The following CRLF3 variants were observed in gnomAD, a reference collection of about 807,000 sequenced individuals.
CRLF3 encodes cytokine receptor like factor 3.
In CRLF3, 33 loss-of-function variants were observed where a neutral mutation model predicts 55.0. The ratio of observed to expected loss-of-function variants is 0.60; its 90% CI spans 0.46 to 0.80. The LOEUF (loss-of-function observed/expected upper bound fraction) is 0.80, where lower values mean the gene tolerates loss of function less well. CRLF3 is among the 30% of genes least tolerant of loss of function. The probability of loss-of-function intolerance (pLI) is 0.00; values close to 1 mark genes in which losing one functional copy is unlikely to be tolerated. For missense variants in CRLF3, 494 were observed against 538.4 expected (o/e 0.92, Z 0.82); for synonymous variants, 238 against 196.8 (o/e 1.21, Z -1.75).
intron 1 of CRLF3, among the ~76,000 whole-genome samples, chr17:30,816,667 C>A (rs1011351805): frequency 1.3e-5 from 2 of 151,674 alleles, no homozygotes; most frequent in Admixed American, 6.6e-5. Context: ...TTTTTAATTT[C>A]TTTGTGGAGA....
chr17:30,787,588 ATTAT>A (rs1327186132), intron 6 of CRLF3: 3 of 152,312 alleles, frequency 2.0e-5, no homozygotes, highest in Admixed American at 1.3e-4. Flanking sequence ...GACAGATGTG[ATTAT>A]TTATAGTCAA....
At chr17:30,809,689 C>T (rs1904549247) in intron 1 of CRLF3, 1 of 152,160 alleles carries the variant, frequency 6.6e-6, no homozygotes. Context: ...CTCACTTGGT[C>T]GTCCAGGCTG....
At position 30,784,097 on chromosome 17, in the gene CRLF3, A is replaced by T. The variant is rs1423262100; in HGVS notation, c.*90T>A. On this transcript the variant is annotated 3_prime_UTR_variant, in exon 8 of 8. Transcript: ENST00000324238. ...TTCCAATGGCCTAAGTTAGAGATGA[A>T]TTCAACTTTTTTTTTAAAGCAATTA... is the stretch of plus-strand genomic sequence containing the variant. The T allele has an allele frequency of 3.3e-6, 4 of 1,213,318 alleles. No individual in the cohort carries two copies. The African/African-American group carries it at 6.1e-5, about 18-fold the overall frequency. The allele number at this position is 1,213,318 out of a possible 1,614,324, so 75.2% of individuals were successfully genotyped here. A position where few individuals can be genotyped will look rare whatever the true frequency, so the allele number is the denominator to read the frequency against.
At chr17:30,793,192 AG>A (rs1567660993) in intron 5 of CRLF3, among the ~76,000 whole-genome samples, 16 of 152,202 alleles carry the variant, frequency 1.1e-4, no homozygotes, top group Admixed American at 8.5e-4. Context: ...AAGGAATATC[AG>A]TGCCCTACAT....
At position 30,796,076 on chromosome 17, in the gene CRLF3, AAGT is replaced by A. The variant is rs772225482; in HGVS notation, c.603+81_603+83del. Reference sequence around the variant, plus strand: ...TTTGAGAAGAAAAGAATGTATTTAAAAGTAGTCAACGAAAAAATCTGAAAGGCC... The same window carrying A: ...TTTGAGAAGAAAAGAATGTATTTAAAAGTCAACGAAAAAATCTGAAAGGCC... On this transcript the variant is annotated intron_variant, in intron 4 of 7. Transcript: ENST00000324238. 8.4e-5 allele frequency: 76 copies of A among 904,966 alleles called. 1 individual carries two copies. In the East Asian group the frequency reaches 9.9e-4, roughly 12 times the overall value. 56.1% of individuals were successfully genotyped at this position (904,966 alleles called of 1,614,324 possible).
chr17:30,797,199 T>G, intron 3 of CRLF3, 112 bp downstream of exon 3: 4 of 833,528 alleles, frequency 4.8e-6, no homozygotes, highest in Non-Finnish European at 8.0e-6. Context: ...TCTGAAAACC[T>G]TGAAATATAT....
chr17:30,798,526 T>G (rs924910841), intron 2 of CRLF3, among the ~76,000 whole-genome samples: 2 of 152,132 alleles, frequency 1.3e-5, no homozygotes, highest in African/African-American at 4.8e-5. Flanking sequence ...CCATATGACC[T>G]TCTCCTTCAC....
At chr17:30,816,731 T>G (rs7212991) in intron 1 of CRLF3, among the ~76,000 whole-genome samples, 1 of 151,902 alleles carries the variant, frequency 6.6e-6, no homozygotes, top group African/African-American at 2.4e-5. Context: ...GCTCGAGATC[T>G]TCCCGTCTTG....
chr17:30,788,741 G>A (rs546587684), intron 6 of CRLF3, among the ~76,000 whole-genome samples: 2 of 151,320 alleles, frequency 1.3e-5, no homozygotes, highest in South Asian at 2.1e-4. Flanking sequence ...CTGAGTAGCT[G>A]GGATTACAGG....
At chr17:30,808,934 A>T (rs984892505) in intron 1 of CRLF3, among the ~76,000 whole-genome samples, 1 of 152,162 alleles carries the variant, frequency 6.6e-6, no homozygotes, top group Non-Finnish European at 1.5e-5. Flanking sequence ...CTTTGTATAC[A>T]TATTACAGAT....
intron 4 of CRLF3, among the ~76,000 whole-genome samples, chr17:30,794,064 G>A (rs1597919308): frequency 1.3e-5 from 2 of 152,116 alleles, no homozygotes; most frequent in East Asian, 3.9e-4. Context: ...TAACTCCTGA[G>A]CTCAAGCAAT....
chr17:30,802,401 TGA>T (rs1972020662), intron 2 of CRLF3, among the ~76,000 whole-genome samples: 1 of 151,570 alleles, frequency 6.6e-6, no homozygotes, highest in Admixed American at 6.6e-5. Flanking sequence ...ATTACAGGCG[TGA>T]GCCACCGTGC....
At chr17:30,817,371 G>A (rs938431184) in intron 1 of CRLF3, among the ~76,000 whole-genome samples, 4 of 151,856 alleles carry the variant, frequency 2.6e-5, no homozygotes, top group African/African-American at 9.7e-5. Flanking sequence ...CCGGGAGGTG[G>A]AGGTTGCAGT....
intron 1 of CRLF3, among the ~76,000 whole-genome samples, chr17:30,816,164 C>T (rs1904798003): frequency 6.6e-6 from 1 of 151,370 alleles, no homozygotes; most frequent in African/African-American, 2.4e-5. Context: ...CACCTGTAGT[C>T]CCAGCTACTC....
chr17:30,823,025 A>G (rs1478910529), intron 1 of CRLF3, among the ~76,000 whole-genome samples: 1 of 152,138 alleles, frequency 6.6e-6, no homozygotes. Context: ...CGCCACTAAA[A>G]TGCAAATGAT....
In CRLF3 at chr17:30,785,962, A is replaced by G. The variant is rs1971637433; in HGVS notation, c.1029T>C (p.Tyr343=). ...CAGCTTGATCCCGCTGCAGAGAGTC[A>G]TATCCATCCTGTTTTTCTGCACACA... is the stretch of plus-strand genomic sequence containing the variant. The part of the protein sequence containing the change: ...IGVCAEKQDG[Y]DSLQRDQAVC... Residue 343 remains tyrosine, a synonymous_variant, in exon 7 of 8, where the codon TAT becomes TAC. Transcript: ENST00000324238. 2 of 1,612,788 alleles carry G rather than the reference A, an allele frequency of 1.2e-6. No homozygotes were observed. Among genetic ancestry groups the G allele is most frequent in the Non-Finnish European group, 1.7e-6 (2 of 1,178,864 alleles).
chr17:30,782,874 C>T lies in CRLF3; in HGVS notation c.*1313G>A, dbSNP rs1971526054. 6.7e-6 allele frequency: 1 copy of T among 149,844 alleles called. No homozygotes were observed. The highest frequency in any genetic ancestry group is 1.5e-5 in the Non-Finnish European group (1 of 67,494). The allele number at this position is 149,844 out of a possible 1,614,324, so 9.3% of individuals were successfully genotyped here. A position where few individuals can be genotyped will look rare whatever the true frequency, so the allele number is the denominator to read the frequency against. ...TTATCTTACAAAAATATCATACTTG[C>T]TTTTCTACTTTTTTACTATACTGGT... On this transcript the variant is annotated 3_prime_UTR_variant, in exon 8 of 8. Coordinates refer to ENST00000324238, the MANE Select transcript of CRLF3 (RefSeq NM_015986.4).
rs1971518096 is a variant in CRLF3 at position 30,782,688 on chromosome 17, C to A, written c.*1499G>T. ...AGAAGAAAAAAGTACACACACTGAACTTTTTTAGTTTTTTATTTTGATTCC... is the reference window on the plus strand; with the variant it reads ...AGAAGAAAAAAGTACACACACTGAAATTTTTTAGTTTTTTATTTTGATTCC... On this transcript the variant is annotated 3_prime_UTR_variant, in exon 8 of 8. Transcript: ENST00000324238. The A allele has an allele frequency of 6.6e-6, 1 of 152,058 alleles. No individual in the cohort carries two copies. The highest frequency in any genetic ancestry group is 1.5e-5 in the Non-Finnish European group (1 of 68,012). 9.4% of individuals were successfully genotyped at this position (152,058 alleles called of 1,614,324 possible).
intron 1 of CRLF3, among the ~76,000 whole-genome samples, chr17:30,815,865 C>T (rs907294474): frequency 6.6e-6 from 1 of 151,010 alleles, no homozygotes; most frequent in African/African-American, 2.4e-5. Context: ...TTTTAATTCT[C>T]CTTGACCTCC....
Sources: allele counts gnomAD v4.1 joint callset (sites outside exome capture counted in the v4.1 genomes callset), GRCh38; gene constraint gnomAD v4.1.1; transcripts MANE v1.5; gene names NCBI Gene and HGNC (gene_info 2026-07-23, HGNC 2026-07-21).